The following STARD3 variants were observed in gnomAD, a reference collection of about 807,000 sequenced individuals.
STARD3 encodes StAR related lipid transfer domain containing 3.
In STARD3, 39 loss-of-function variants were observed where a neutral mutation model predicts 62.0. The observed-to-expected ratio is 0.63, with a 90% CI of 0.49 to 0.82. The LOEUF (loss-of-function observed/expected upper bound fraction) is 0.82, where lower values mean the gene tolerates loss of function less well. STARD3 is among the 40% of genes least tolerant of loss of function. STARD3 has a pLI of 0.00. For missense variants in STARD3, 543 were observed against 584.5 expected (o/e 0.93, Z 0.73); for synonymous variants, 229 against 242.4 (o/e 0.94, Z 0.51).
At chr17:39,662,196 G>C in intron 13 of STARD3, 55 bp from the exon 14 acceptor site, 1 of 1,514,440 alleles carries the variant, frequency 6.6e-7, no homozygotes, top group Non-Finnish European at 9.1e-7. Flanking sequence ...GCTGCGGGGG[G>C]GTGTCAGGGC....
At chr17:39,652,745 T>A (rs1169307033) in intron 1 of STARD3, 2 of 152,548 alleles carry the variant, frequency 1.3e-5, no homozygotes, top group African/African-American at 4.8e-5. Flanking sequence ...AGGAGACTGT[T>A]AGCCTGAGAA....
At position 39,658,017 on chromosome 17, in the gene STARD3, C is replaced by G; in HGVS notation, c.420C>G (p.Ile140Met). The G allele has an allele frequency of 6.4e-7, 1 of 1,560,490 alleles. No homozygotes were observed. Among genetic ancestry groups the G allele is most frequent in the Non-Finnish European group, 8.7e-7 (1 of 1,152,040 alleles). Residue 140 changes from isoleucine to methionine, a missense_variant, in exon 5 of 15, where the codon ATC becomes ATG. Transcript: ENST00000336308. ...GTGCATTCCTCATTGTCAAGGTCAT[C>G]CTCTCTGAGGTCAGTGGCTCAGGGT... ...VSSAFLIVKV[I>M]LSELLSKGAF...
chr17:39,646,838 T>A (rs968746103), intron 1 of STARD3, among the ~76,000 whole-genome samples: 3 of 152,092 alleles, frequency 2.0e-5, no homozygotes, highest in Non-Finnish European at 4.4e-5. Context: ...GCCTCATGAA[T>A]AATCCGCTGT....
At chr17:39,649,860 C>T (rs1342654603) in intron 1 of STARD3, among the ~76,000 whole-genome samples, 10 of 104,060 alleles carry the variant, frequency 9.6e-5, no homozygotes, top group South Asian at 3.7e-4. Context: ...AGTGAGACTC[C>T]GTCTCAAAAA....
rs1182146480 is a variant in STARD3, at chr17:39,660,444, G to A, written c.872G>A (p.Cys291Tyr). The change falls in exon 11 of 15, where the codon TGT becomes TAT. Residue 291 changes from cysteine to tyrosine, a missense_variant. Physicochemically the swap from Cys to Tyr is radical, Grantham distance 194 (BLOSUM62 -2). Transcript: ENST00000336308. This position sits in a 1 kb window ranked among gnomAD's most constrained non-coding sequence, Gnocchi z 4.8. Reference sequence around the variant, plus strand: ...GCCCTGTCCCAGACCTTCCTGCCCTGTCCTGCGGAGCTCGTGTACCAGGAG... The same window carrying A: ...GCCCTGTCCCAGACCTTCCTGCCCTATCCTGCGGAGCTCGTGTACCAGGAG... The part of the protein sequence containing the change: ...KTFILKTFLP[C>Y]PAELVYQEVI... The A allele has an allele frequency of 6.2e-7, 1 of 1,613,906 alleles. No individual in the cohort carries two copies.
intron 1 of STARD3, among the ~76,000 whole-genome samples, chr17:39,638,716 A>G (rs2056957772): frequency 6.6e-6 from 1 of 152,228 alleles, no homozygotes; most frequent in Admixed American, 6.5e-5. Flanking sequence ...ACCTTGATGA[A>G]GTCAGTGCCT....
At chr17:39,641,112 C>G (rs2056979420) in intron 1 of STARD3, among the ~76,000 whole-genome samples, 1 of 151,748 alleles carries the variant, frequency 6.6e-6, no homozygotes, top group Admixed American at 6.5e-5. Context: ...GTAGGCTCAA[C>G]TACTTGGGAA....
intron 1 of STARD3, among the ~76,000 whole-genome samples, chr17:39,652,154 C>T (rs2057084069): frequency 6.6e-6 from 1 of 151,098 alleles, no homozygotes; most frequent in Non-Finnish European, 1.5e-5. Flanking sequence ...GATCTGTGGG[C>T]ATGGGGTGGG....
chr17:39,662,708 C>A, intron 14 of STARD3, 96 bp from the exon 15 acceptor site: 1 of 1,189,022 alleles, frequency 8.4e-7, no homozygotes, highest in South Asian at 1.5e-5. Context: ...GCTGCACCTG[C>A]ATTCTGGCCC....
At chr17:39,649,519 A>G (rs1378649776) in intron 1 of STARD3, among the ~76,000 whole-genome samples, 1 of 152,254 alleles carries the variant, frequency 6.6e-6, no homozygotes, top group Non-Finnish European at 1.5e-5. Flanking sequence ...TGAAAAAATA[A>G]CAAGCAAGAG....
rs765188414 is a variant in STARD3, at chr17:39,659,101, G to A, written c.697G>A (p.Ala233Thr). The A allele has an allele frequency of 6.2e-7, 1 of 1,614,188 alleles. No homozygotes were observed. Among genetic ancestry groups the A allele is most frequent in the Non-Finnish European group, 8.5e-7 (1 of 1,180,026 alleles). ...EEVAGKKSFS[A>T]QEREYIRQGK... ...AGTTGCTGGGAAGAAAAGTTTCTCT[G>A]CTCAGGTATTTGCCTGCCTACCCCT... The change falls in exon 8 of 15, where the codon GCT becomes ACT. Residue 233 changes from alanine to threonine, a missense_variant. Physicochemically the swap from Ala to Thr is moderately conservative, Grantham distance 58 (BLOSUM62 0). Transcript: ENST00000336308.
At chr17:39,638,915 T>A (rs1326851969) in intron 1 of STARD3, among the ~76,000 whole-genome samples, 2 of 152,156 alleles carry the variant, frequency 1.3e-5, no homozygotes, top group Non-Finnish European at 2.9e-5. Flanking sequence ...CAAGGCAGGA[T>A]GATCGCTTGA....
In STARD3 at chr17:39,653,750, T is replaced by C. The variant is rs2057100348; in HGVS notation, c.219T>C (p.Asn73=). The part of the protein sequence containing the change: ...FISLLWIIEL[N]TNTGIRKNLE... ...CCCTGCTCTGGATCATCGAACTGAA[T>C]GTGAGTGGGGGCGAGGTGGGGGCAC... The change falls in exon 2 of 15, where the codon AAT becomes AAC. Residue 73 remains asparagine (N), a splice_region_variant and synonymous_variant. Coordinates refer to ENST00000336308, the MANE Select transcript of STARD3 (RefSeq NM_006804.4). The C allele has an allele frequency of 6.2e-7, 1 of 1,613,784 alleles. No homozygotes were observed. Among genetic ancestry groups the C allele is most frequent in the Middle Eastern group, 1.6e-4 (1 of 6,078 alleles).
intron 1 of STARD3, among the ~76,000 whole-genome samples, chr17:39,641,892 C>A (rs2056985671): frequency 6.6e-6 from 1 of 152,172 alleles, no homozygotes; most frequent in Non-Finnish European, 1.5e-5. Context: ...GTATCATGGC[C>A]AGGCACTGTG....
chr17:39,659,900 G>C (rs2057176321), intron 9 of STARD3: 4 of 529,708 alleles, frequency 7.6e-6, no homozygotes, highest in Non-Finnish European at 1.3e-5. Flanking sequence ...GGAAAACAGA[G>C]AGCAACATGC....
Position 39,653,698 on chromosome 17 carries a change from T to A in STARD3, c.167T>A (p.Phe56Tyr). ...ISDVRRTFCLFVTFDLLFISL... is the reference protein window; with the variant it reads ...ISDVRRTFCLYVTFDLLFISL... ...GATGTCCGCCGCACCTTCTGTCTCT[T>A]CGTCACCTTCGACCTGCTCTTCATC... The change falls in exon 2 of 15, where the codon TTC becomes TAC. Residue 56 changes from phenylalanine (F) to tyrosine (Y), a missense_variant. Phe to Tyr is a conservative substitution (Grantham distance 22, BLOSUM62 3). Transcript: ENST00000336308. 1 of 1,614,184 alleles carries A rather than the reference T, an allele frequency of 6.2e-7. No homozygotes were observed. Among genetic ancestry groups the A allele is most frequent in the Non-Finnish European group, 8.5e-7 (1 of 1,180,034 alleles).
intron 13 of STARD3, among the ~76,000 whole-genome samples, chr17:39,662,004 G>A (rs1469896202): frequency 6.6e-6 from 1 of 152,124 alleles, no homozygotes; most frequent in African/African-American, 2.4e-5. Flanking sequence ...TGTCCCTGGG[G>A]GTGTGCAAGC....
At chr17:39,638,489 G>C (rs2056954833) in intron 1 of STARD3, among the ~76,000 whole-genome samples, 1 of 152,182 alleles carries the variant, frequency 6.6e-6, no homozygotes, top group Non-Finnish European at 1.5e-5. Context: ...GTATCTTCAT[G>C]ACTTTGCACA....
In STARD3 at chr17:39,639,609, C is replaced by G. The variant is rs1189853679; in HGVS notation, c.-52+2378C>G. Reference sequence around the variant, plus strand: ...ACAGGGGAGACGGAGCTGAGGAAGACAGAGGCAGCGTCCTTTGCTGACGCT... The same window carrying G: ...ACAGGGGAGACGGAGCTGAGGAAGAGAGAGGCAGCGTCCTTTGCTGACGCT... On this transcript the variant is annotated intron_variant, in intron 1 of 14. Coordinates refer to ENST00000336308, the MANE Select transcript of STARD3 (RefSeq NM_006804.4). Among the ~76,000 whole-genome samples, 8 of 152,192 alleles carry G rather than the reference C, an allele frequency of 5.3e-5. No individual in the cohort carries two copies. In the East Asian group the frequency reaches 1.5e-3, roughly 29 times the overall value.
Sources: allele counts gnomAD v4.1 joint callset (sites outside exome capture counted in the v4.1 genomes callset), GRCh38; gene constraint gnomAD v4.1.1; non-coding constraint Gnocchi (gnomAD v3.1); transcripts MANE v1.5; gene names NCBI Gene and HGNC (gene_info 2026-07-23, HGNC 2026-07-21).